LDB2: variants seen among roughly 807,000 people sequenced by gnomAD.
LDB2 encodes LIM domain binding 2.
A neutral mutation model predicts 44.3 loss-of-function variants in LDB2; 12 were observed. The ratio of observed to expected loss-of-function variants is 0.27; its 90% CI spans 0.17 to 0.44. The LOEUF is 0.44. Ranked by LOEUF, LDB2 falls within the 20% of genes least tolerant of loss-of-function variation. The probability of loss-of-function intolerance (pLI) is 1.00; values close to 1 mark genes in which losing one functional copy is unlikely to be tolerated. For missense variants in LDB2, 344 were observed against 473.5 expected, an observed-to-expected ratio of 0.73 and a Z score of 2.54; for synonymous variants, 164 against 174.8, an observed-to-expected ratio of 0.94 and a Z score of 0.49.
chr4:16,682,869 T>C (rs931391428), intron 2 of LDB2, among the ~76,000 whole-genome samples: 3 of 152,248 alleles, frequency 2.0e-5, no homozygotes, highest in South Asian at 2.1e-4. Context: ...GTGCTAGCTA[T>C]TGAGGCTTGT....
intron 1 of LDB2, among the ~76,000 whole-genome samples, chr4:16,821,242 G>A (rs148744479): frequency 0.012 from 1,840 of 152,258 alleles, 42 homozygotes; most frequent in African/African-American, 0.042. Context: ...CATAAAGGAA[G>A]CATTGATCTA....
chr4:16,561,716 C>G (rs1473895808), intron 5 of LDB2, among the ~76,000 whole-genome samples: 1 of 152,172 alleles, frequency 6.6e-6, no homozygotes, highest in African/African-American at 2.4e-5. Context: ...TGGAAAAAAA[C>G]TACTTTAAAG....
At chr4:16,527,772 A>G (rs942592360) in intron 5 of LDB2, among the ~76,000 whole-genome samples, 6 of 152,176 alleles carry the variant, frequency 3.9e-5, no homozygotes, top group Non-Finnish European at 8.8e-5. Flanking sequence ...TATACTTTAA[A>G]TTTACAAGAG....
chr4:16,827,338 T>C (rs1412818387), intron 1 of LDB2, among the ~76,000 whole-genome samples: 1 of 151,900 alleles, frequency 6.6e-6, no homozygotes, highest in Non-Finnish European at 1.5e-5. Flanking sequence ...TGTAGAGCTA[T>C]GCAAGATGAA....
chr4:16,646,147 T>C (rs1000167769), intron 2 of LDB2, among the ~76,000 whole-genome samples: 1 of 152,236 alleles, frequency 6.6e-6, no homozygotes, highest in Non-Finnish European at 1.5e-5. Flanking sequence ...TACAAATTCC[T>C]TCACCCTTTC....
rs188936613 is a variant in LDB2 at position 16,754,362 on chromosome 4, T to A, written c.235+4796A>T. Among the ~76,000 whole-genome samples, 292 of 152,350 alleles carry A rather than the reference T, an allele frequency of 1.9e-3. 3 individuals carry two copies. The highest frequency in any genetic ancestry group is 1.9e-3 in the Non-Finnish European group (128 of 68,040). On this transcript the variant is annotated intron_variant, in intron 2 of 7. Transcript: ENST00000304523. ...CAGGCTGTCCACATTGTTCACTTGA[T>A]AAGTCCTGCCCAGTGGGAAGCCTTT...
At chr4:16,596,221 C>CACTT (rs1466098663) in intron 2 of LDB2, among the ~76,000 whole-genome samples, 4 of 152,046 alleles carry the variant, frequency 2.6e-5, no homozygotes, top group African/African-American at 7.2e-5. Context: ...AAAAATAAGA[C>CACTT]ACTTCCAATC....
intron 2 of LDB2, among the ~76,000 whole-genome samples, chr4:16,609,150 G>A (rs1199443256): frequency 6.6e-6 from 1 of 152,150 alleles, no homozygotes; most frequent in East Asian, 1.9e-4. Context: ...CACAGGGAAG[G>A]GGAACCACCT....
intron 4 of LDB2, 73 bp downstream of exon 4, chr4:16,588,637 G>A (rs963403520): frequency 6.8e-7 from 1 of 1,481,390 alleles, no homozygotes; most frequent in Non-Finnish European, 9.3e-7. Context: ...AGAGAGGACT[G>A]GGTTTTTCCC....
intron 1 of LDB2, among the ~76,000 whole-genome samples, chr4:16,853,779 G>T (rs1277204521): frequency 6.6e-6 from 1 of 152,086 alleles, no homozygotes; most frequent in Non-Finnish European, 1.5e-5. Flanking sequence ...ATATGCAATG[G>T]AATATTATTT....
intron 1 of LDB2, among the ~76,000 whole-genome samples, chr4:16,868,081 T>C (rs894795032): frequency 1.4e-4 from 21 of 152,220 alleles, no homozygotes; most frequent in African/African-American, 5.1e-4. Flanking sequence ...TTTAATCACA[T>C]TAGACTCGTT....
chr4:16,609,197 C>T (rs749639561), intron 2 of LDB2, among the ~76,000 whole-genome samples: 3 of 152,106 alleles, frequency 2.0e-5, no homozygotes, highest in African/African-American at 7.2e-5. Context: ...GAGCGTGCTA[C>T]CCAGCCAAGG....
rs571970880 is a variant in LDB2 at position 16,631,076 on chromosome 4, A to G, written c.236-35201T>C. Among the ~76,000 whole-genome samples the G allele has an allele frequency of 2.6e-5, 4 of 152,312 alleles. No homozygotes were observed. The South Asian group carries it at 6.2e-4, about 24-fold the overall frequency. ...CAGGACTTGAACTCAGCTCTGGACC[A>G]AGTGGACATGATAGACATCTACAGA... On this transcript the variant is annotated intron_variant, in intron 2 of 7. Coordinates refer to ENST00000304523, the MANE Select transcript of LDB2 (RefSeq NM_001290.5).
chr4:16,605,762 A>G (rs1723756088), intron 2 of LDB2, among the ~76,000 whole-genome samples: 1 of 152,196 alleles, frequency 6.6e-6, no homozygotes, highest in African/African-American at 2.4e-5. Flanking sequence ...TGACATCCAG[A>G]CACTGAAGAC....
At chr4:16,658,784 A>T (rs1310315952) in intron 2 of LDB2, among the ~76,000 whole-genome samples, 1 of 152,164 alleles carries the variant, frequency 6.6e-6, no homozygotes, top group Non-Finnish European at 1.5e-5. Flanking sequence ...TCCATGTTCC[A>T]TGTCCTTGCA....
intron 5 of LDB2, among the ~76,000 whole-genome samples, chr4:16,567,307 T>C (rs1744836374): frequency 6.6e-6 from 1 of 152,188 alleles, no homozygotes; most frequent in Non-Finnish European, 1.5e-5. Context: ...TTCTCTAGGA[T>C]ATATTTCTAT....
intron 1 of LDB2, among the ~76,000 whole-genome samples, chr4:16,833,925 T>C (rs1784473588): frequency 6.6e-6 from 1 of 152,210 alleles, no homozygotes; most frequent in Admixed American, 6.5e-5. Context: ...TAGATCTTTG[T>C]ACTTGCTCTC....
chr4:16,525,190 T>C (rs1727756342), intron 5 of LDB2, among the ~76,000 whole-genome samples: 1 of 152,132 alleles, frequency 6.6e-6, no homozygotes, highest in South Asian at 2.1e-4. Flanking sequence ...GGTTTGGGGC[T>C]GTGTCCCTAA....
At chr4:16,744,877 T>C (rs73241037) in intron 2 of LDB2, among the ~76,000 whole-genome samples, 12,362 of 152,248 alleles carry the variant, frequency 0.081, 762 homozygotes, top group East Asian at 0.38. Context: ...AAGTCAATTT[T>C]TTGGTTTGTT....
Sources: allele counts gnomAD v4.1 joint callset (sites outside exome capture counted in the v4.1 genomes callset), GRCh38; gene constraint gnomAD v4.1.1; transcripts MANE v1.5; gene names NCBI Gene and HGNC (gene_info 2026-07-23, HGNC 2026-07-21).